PBX3: variants seen among roughly 807,000 people sequenced by gnomAD.
PBX3 encodes PBX homeobox 3, also known as pre-B-cell leukemia transcription factor 3.
Under a neutral mutation model 48.5 loss-of-function variants are expected in PBX3, and 14 were observed. The ratio of observed to expected loss-of-function variants is 0.29; its 90% CI spans 0.19 to 0.45. The LOEUF (loss-of-function observed/expected upper bound fraction) is 0.45. Ranked by LOEUF, PBX3 falls within the 20% of genes least tolerant of loss-of-function variation. The pLI, the probability that PBX3 is intolerant of heterozygous loss-of-function variation, is 1.00. For missense variants in PBX3, 386 were observed against 546.7 expected, an observed-to-expected ratio of 0.71 and a Z score of 2.93; for synonymous variants, 210 against 200.3, an observed-to-expected ratio of 1.05 and a Z score of -0.41.
chr9:125,785,017 G>A (rs893456487), intron 2 of PBX3, among the ~76,000 whole-genome samples: 1 of 152,160 alleles, frequency 6.6e-6, no homozygotes, highest in African/African-American at 2.4e-5. Context: ...TTAGGCTTTT[G>A]TTACTTTACT....
chr9:125,952,573 G>C (rs1346388489), intron 5 of PBX3, among the ~76,000 whole-genome samples: 1 of 152,114 alleles, frequency 6.6e-6, no homozygotes, highest in Non-Finnish European at 1.5e-5. Context: ...AGCTGCTTGG[G>C]AAATTTCAGT....
At chr9:125,866,881 C>G (rs1024384473) in intron 2 of PBX3, among the ~76,000 whole-genome samples, 2 of 152,104 alleles carry the variant, frequency 1.3e-5, no homozygotes, top group African/African-American at 4.8e-5. Flanking sequence ...AATTTGATTA[C>G]TCTTTGATTA....
chr9:125,948,829 G>A (rs1842126023), intron 5 of PBX3, among the ~76,000 whole-genome samples: 1 of 151,898 alleles, frequency 6.6e-6, no homozygotes, highest in South Asian at 2.1e-4. Context: ...AATAGCAAAA[G>A]ACTGAAAATT....
At chr9:125,793,737 A>G (rs879901732) in intron 2 of PBX3, among the ~76,000 whole-genome samples, 3 of 152,156 alleles carry the variant, frequency 2.0e-5, no homozygotes, top group Non-Finnish European at 4.4e-5. Context: ...GTCAAAGTTG[A>G]TAAGTTTTGA....
At chr9:125,957,003 C>T (rs1842324372) in intron 5 of PBX3, among the ~76,000 whole-genome samples, 1 of 152,070 alleles carries the variant, frequency 6.6e-6, no homozygotes, top group Non-Finnish European at 1.5e-5. Flanking sequence ...TAATTATATC[C>T]ATCTGTTTTT....
intron 2 of PBX3, among the ~76,000 whole-genome samples, chr9:125,804,915 C>CATGCCTGAGAT (rs1470742542): frequency 2.0e-4 from 8 of 40,122 alleles, no homozygotes; most frequent in Admixed American, 1.0e-3. Flanking sequence ...CCACTGCACT[C>CATGCCTGAGAT]CAGCCTGGGT....
At chr9:125,804,365 C>T (rs911495851) in intron 2 of PBX3, among the ~76,000 whole-genome samples, 14 of 152,170 alleles carry the variant, frequency 9.2e-5, no homozygotes, top group East Asian at 3.8e-4. Flanking sequence ...GCTCTCTGGG[C>T]GGCTGGGCTC....
chr9:125,843,479 C>T (rs904634993), intron 2 of PBX3, among the ~76,000 whole-genome samples: 2 of 151,822 alleles, frequency 1.3e-5, no homozygotes, highest in African/African-American at 4.8e-5. Context: ...ATATTATGGG[C>T]AGAATAAGGT....
chr9:125,814,821 C>T (rs936281602), intron 2 of PBX3, among the ~76,000 whole-genome samples: 6 of 152,118 alleles, frequency 3.9e-5, no homozygotes, highest in Middle Eastern at 3.2e-3. Flanking sequence ...CACTCTCCCT[C>T]CTTTGAGACA....
chr9:125,885,789 C>T (rs1840485270), intron 2 of PBX3, among the ~76,000 whole-genome samples: 1 of 115,600 alleles, frequency 8.7e-6, no homozygotes, highest in Non-Finnish European at 1.9e-5. Context: ...ACGTTCTTAA[C>T]TGTAGGGGAT....
intron 2 of PBX3, among the ~76,000 whole-genome samples, chr9:125,879,198 C>T (rs1490137286): frequency 5.9e-5 from 9 of 151,716 alleles, no homozygotes; most frequent in African/African-American, 2.2e-4. Context: ...CTGCCTCAGC[C>T]TCCTGAGTAG....
chr9:125,965,151 A>G (rs561114494), intron 8 of PBX3, among the ~76,000 whole-genome samples: 2 of 152,378 alleles, frequency 1.3e-5, no homozygotes, highest in African/African-American at 2.4e-5. Context: ...AGGCCAAGAC[A>G]TAAGGCAAAT....
At chr9:125,866,743 A>C (rs888465850) in intron 2 of PBX3, among the ~76,000 whole-genome samples, 2 of 152,216 alleles carry the variant, frequency 1.3e-5, no homozygotes, top group Admixed American at 6.5e-5. Context: ...TTTGTTTTAA[A>C]ATAGCATAAT....
intron 6 of PBX3, among the ~76,000 whole-genome samples, chr9:125,961,718 G>A (rs901737661): frequency 1.3e-5 from 2 of 152,204 alleles, no homozygotes; most frequent in Admixed American, 6.5e-5. Flanking sequence ...TCTTCTCTGG[G>A]TGGCTGTCCA....
chr9:125,747,721 C>T (rs1301340024), intron 1 of PBX3, 68 bp downstream of exon 1: 7 of 1,278,268 alleles, frequency 5.5e-6, no homozygotes, highest in Non-Finnish European at 1.0e-6. Flanking sequence ...GAGTCGAGGC[C>T]CGGGGTGGCG....
intron 2 of PBX3, among the ~76,000 whole-genome samples, chr9:125,754,697 G>C (rs184589837): frequency 1.3e-5 from 2 of 152,026 alleles, no homozygotes; most frequent in Admixed American, 1.3e-4. Context: ...TTTTTTCATA[G>C]ATATATTCCA....
chr9:125,772,193 T>C (rs1457203254), intron 2 of PBX3, among the ~76,000 whole-genome samples: 1 of 152,188 alleles, frequency 6.6e-6, no homozygotes, highest in Non-Finnish European at 1.5e-5. Context: ...GCTTATTATG[T>C]GAAGTATTAA....
At chr9:125,895,565 C>T (rs1223107933) in intron 2 of PBX3, among the ~76,000 whole-genome samples, 1 of 151,928 alleles carries the variant, frequency 6.6e-6, no homozygotes, top group Non-Finnish European at 1.5e-5. Context: ...ATACTAGTTT[C>T]CTTTTTCATC....
intron 2 of PBX3, among the ~76,000 whole-genome samples, chr9:125,782,163 A>T (rs1837338349): frequency 6.6e-6 from 1 of 152,300 alleles, no homozygotes; most frequent in African/African-American, 2.4e-5. Flanking sequence ...ACTGTTCCAC[A>T]TGGCTGGGGA....
Sources: gnomAD v4.1 joint callset for allele counts (sites outside exome capture counted in the v4.1 genomes callset) on GRCh38, gnomAD v4.1.1 for gene constraint, MANE v1.5 for transcripts, NCBI Gene and HGNC (gene_info 2026-07-23, HGNC 2026-07-21) for gene names.